The following SEMA3D variants were observed in gnomAD, a reference collection of about 807,000 sequenced individuals.
SEMA3D encodes the protein semaphorin-3D.
SEMA3D carries 84 observed loss-of-function variants against 100.1 expected under a neutral mutation model. The observed-to-expected ratio is 0.84, with a 90% confidence interval of 0.70 to 1.01. SEMA3D has a LOEUF of 1.01. Ranked by LOEUF, SEMA3D falls within the 50% of genes least tolerant of loss-of-function variation. The pLI is 0.00. For synonymous variants in SEMA3D, 312 were observed against 320.7 expected, an observed-to-expected ratio of 0.97 and a Z score of 0.29; for missense variants, 875 against 934.1, an observed-to-expected ratio of 0.94 and a Z score of 0.82.
intron 1 of SEMA3D, among the ~76,000 whole-genome samples, chr7:85,172,345 A>G (rs1791107886): frequency 1.3e-5 from 2 of 152,062 alleles, no homozygotes; most frequent in South Asian, 2.1e-4. Flanking sequence ...ATTTGAAACC[A>G]TACCAAGAAA....
At chr7:85,187,139 G>C (rs1174851993), upstream of SEMA3D, among the ~76,000 whole-genome samples, 1 of 151,580 alleles carries the variant, frequency 6.6e-6, no homozygotes, top group Admixed American at 6.6e-5. Flanking sequence ...CTTCCACTGC[G>C]CACGCCAGAA....
rs188785398 is a variant in SEMA3D, at chr7:85,027,222, A to G, written c.1192-4609T>C. On this transcript the variant is annotated intron_variant, in intron 12 of 18. Coordinates refer to ENST00000284136, the MANE Select transcript of SEMA3D (RefSeq NM_001384900.1). ...AAGACGAATTTTTCAGTGGACCCAG[A>G]ATCAAAAGAACTTTATAATTTTTCA... is the stretch of plus-strand genomic sequence containing the variant. Among the ~76,000 whole-genome samples the G allele has an allele frequency of 3.3e-5, 5 of 152,204 alleles. No individual in the cohort carries two copies. In the East Asian group the frequency reaches 9.7e-4, roughly 30 times the overall value.
chr7:85,226,734 T>C, the SEMA3D span, among the ~76,000 whole-genome samples: 1 of 152,116 alleles, frequency 6.6e-6, no homozygotes. Flanking sequence ...TTGCAACAAG[T>C]CAAAGTTGCA....
At chr7:85,042,312 A>T in intron 9 of SEMA3D, 27 bp from the exon 10 acceptor site, 1 of 1,468,920 alleles carries the variant, frequency 6.8e-7, no homozygotes, top group Non-Finnish European at 9.5e-7. Context: ...AATAAAGATA[A>T]ATATTTATCA....
chr7:85,198,810 C>A, the SEMA3D span, among the ~76,000 whole-genome samples: 1 of 124,170 alleles, frequency 8.1e-6, no homozygotes, highest in Non-Finnish European at 1.7e-5. Flanking sequence ...TTTGCTTGTC[C>A]ACTAATTATT....
chr7:85,035,309 G>A (rs533182146), intron 12 of SEMA3D, among the ~76,000 whole-genome samples: 1 of 151,318 alleles, frequency 6.6e-6, no homozygotes, highest in South Asian at 2.1e-4. Flanking sequence ...TACAGGTGAT[G>A]CATATATAAT....
intron 2 of SEMA3D, among the ~76,000 whole-genome samples, chr7:85,147,866 ACTCCCTGCCTCAT>A (rs1391274982): frequency 6.6e-6 from 1 of 151,926 alleles, no homozygotes; most frequent in Non-Finnish European, 1.5e-5. Context: ...CATTTGACCA[ACTCCCTGCCTCAT>A]CTCCCTATCA....
intron 3 of SEMA3D, among the ~76,000 whole-genome samples, chr7:85,115,499 T>A (rs535179260): frequency 6.6e-6 from 1 of 152,332 alleles, no homozygotes; most frequent in African/African-American, 2.4e-5. Flanking sequence ...TCTGTGATAT[T>A]CACTGTATTA....
At chr7:85,177,449 AG>A (rs1791269447) in intron 1 of SEMA3D, among the ~76,000 whole-genome samples, 1 of 152,188 alleles carries the variant, frequency 6.6e-6, no homozygotes, top group African/African-American at 2.4e-5. Context: ...AGAAAAAAAG[AG>A]TAAGTAGTCA....
chr7:85,153,396 C>T (rs1226550497), intron 2 of SEMA3D, among the ~76,000 whole-genome samples: 1 of 152,058 alleles, frequency 6.6e-6, no homozygotes, highest in Non-Finnish European at 1.5e-5. Flanking sequence ...CTAGAAATAA[C>T]ATTGTATGTA....
upstream of SEMA3D, among the ~76,000 whole-genome samples, chr7:85,187,386 A>G (rs1791589576): frequency 6.6e-6 from 1 of 152,164 alleles, no homozygotes; most frequent in Non-Finnish European, 1.5e-5. Flanking sequence ...AGTGACCACA[A>G]ACACCGTCCT....
rs752922884 is a variant in SEMA3D, at chr7:85,147,092, C to CTTTTTTTTTTTTTTTTTTT, written c.-41+6497_-41+6515dup. Among the ~76,000 whole-genome samples the CTTTTTTTTTTTTTTTTTTT allele has an allele frequency of 8.5e-4, 41 of 48,152 alleles. 9 individuals carry two copies. The highest frequency in any genetic ancestry group is 2.4e-3 in the African/African-American group (25 of 10,288). The allele number at this position is 48,152 out of a possible 152,430, so 31.6% of individuals were successfully genotyped here. On this transcript the variant is annotated intron_variant, in intron 2 of 18. Transcript: ENST00000284136. ...TCTTTCTTTCTTTTCTTTTTCTTTT[C>CTTTTTTTTTTTTTTTTTTT]TTTTTTTTTTTTTTTTTTTTTTTTT... is the stretch of plus-strand genomic sequence containing the variant.
At chr7:85,006,688 T>C in intron 18 of SEMA3D, 114 bp downstream of exon 18, 1 of 856,142 alleles carries the variant, frequency 1.2e-6, no homozygotes, top group East Asian at 2.9e-5. Flanking sequence ...GTAAAACCTG[T>C]TATTTTTTTT....
intron 12 of SEMA3D, among the ~76,000 whole-genome samples, chr7:85,027,472 T>C (rs1790423157): frequency 6.6e-6 from 1 of 152,066 alleles, no homozygotes; most frequent in African/African-American, 2.4e-5. Context: ...AGACAAAGAT[T>C]TGAAATCTTG....
intron 4 of SEMA3D, among the ~76,000 whole-genome samples, chr7:85,084,855 A>G (rs1788172259): frequency 6.6e-6 from 1 of 152,214 alleles, no homozygotes; most frequent in South Asian, 2.1e-4. Flanking sequence ...ATAAGTGATG[A>G]GAACACATGG....
intron 4 of SEMA3D, among the ~76,000 whole-genome samples, chr7:85,091,326 T>C (rs1401393170): frequency 1.3e-5 from 2 of 152,092 alleles, no homozygotes; most frequent in African/African-American, 4.8e-5. Context: ...TGTGACCCTT[T>C]GCTTGCATCC....
rs187284049 is a variant in SEMA3D, at chr7:85,054,898, G to A, written c.861+819C>T. Among the ~76,000 whole-genome samples the A allele has an allele frequency of 2.0e-4, 31 of 152,174 alleles. No individual in the cohort carries two copies. In the East Asian group the frequency reaches 5.4e-3, roughly 27 times the overall value. ...ATACTGAAGTTAAAGTATGATTCTA[G>A]TAGCAACATTATTCCATAAAGCTTG... On this transcript the variant is annotated intron_variant, in intron 9 of 18. Coordinates refer to ENST00000284136, the MANE Select transcript of SEMA3D (RefSeq NM_001384900.1).
At position 85,133,385 on chromosome 7, in the gene SEMA3D, A is replaced by C. The variant is rs755720424; in HGVS notation, c.-40-11454T>G. Among the ~76,000 whole-genome samples the C allele has an allele frequency of 2.0e-5, 3 of 151,964 alleles. No homozygotes were observed. In the East Asian group the frequency reaches 5.8e-4, roughly 29 times the overall value. ...TGAGCATACATACAGCTGCCGATGG[A>C]TATTTCTCCATTTTTATTTTTTACA... On this transcript the variant is annotated intron_variant, in intron 2 of 18. Coordinates refer to ENST00000284136, the MANE Select transcript of SEMA3D (RefSeq NM_001384900.1).
At chr7:85,055,147 G>A (rs112623813) in intron 9 of SEMA3D, among the ~76,000 whole-genome samples, 174 of 152,036 alleles carry the variant, frequency 1.1e-3, no homozygotes, top group African/African-American at 3.4e-3. Flanking sequence ...GAGTAATAAC[G>A]TAACAAAATT....
Sources: allele counts gnomAD v4.1 joint callset (sites outside exome capture counted in the v4.1 genomes callset), GRCh38; gene constraint gnomAD v4.1.1; transcripts MANE v1.5; gene names NCBI Gene and HGNC (gene_info 2026-07-23, HGNC 2026-07-21).